The following CES3 variants were observed in gnomAD, a reference collection of about 807,000 sequenced individuals.
CES3 encodes carboxylesterase 3 (brain).
CES3 carries 49 observed loss-of-function variants against 57.6 expected under a neutral mutation model. The ratio of observed to expected loss-of-function variants is 0.85; its 90% CI spans 0.68 to 1.08. The LOEUF (loss-of-function observed/expected upper bound fraction) is 1.08, where lower values mean the gene tolerates loss of function less well. CES3 is among the 50% of genes least tolerant of loss of function. The probability of loss-of-function intolerance (pLI) is 0.00; values close to 1 mark genes in which losing one functional copy is unlikely to be tolerated. For synonymous variants in CES3, 266 were observed against 281.6 expected, an observed-to-expected ratio of 0.94 and a Z score of 0.55; for missense variants, 645 against 742.0, an observed-to-expected ratio of 0.87 and a Z score of 1.52.
intron 8 of CES3, chr16:66,967,664 G>A (rs1963755309): frequency 2.0e-6 from 2 of 983,594 alleles, no homozygotes; most frequent in South Asian, 4.7e-5. Flanking sequence ...CATCTTCACA[G>A]CAATCATTTT....
At position 66,966,853 on chromosome 16, in the gene CES3, G is replaced by A. The variant is rs143437351; in HGVS notation, c.1050G>A (p.Trp350Ter). 475 of 1,613,840 alleles carry A rather than the reference G, an allele frequency of 2.9e-4. No homozygotes were observed. Among genetic ancestry groups the A allele is most frequent in the Non-Finnish European group, 3.7e-4 (439 of 1,180,016 alleles). ...GTGTCAACAACCATGAGTTCAGCTGGCTCATCCCCAGGGTGAGTTGCTCCC... is the reference window on the plus strand; with the variant it reads ...GTGTCAACAACCATGAGTTCAGCTGACTCATCCCCAGGGTGAGTTGCTCCC... ...LMGVNNHEFSWLIPRGWGLLD... is the reference protein window; with the variant it reads ...LMGVNNHEFS Residue 350 changes from tryptophan to a stop codon, truncating the protein, a stop_gained, in exon 8 of 13, where the codon TGG (tryptophan) becomes TGA (stop). Coordinates refer to ENST00000303334, the MANE Select transcript of CES3 (RefSeq NM_024922.6). LOFTEE classifies it high-confidence loss of function.
At chr16:66,970,489 A>G (rs1053211646) in intron 9 of CES3, among the ~76,000 whole-genome samples, 1 of 152,222 alleles carries the variant, frequency 6.6e-6, no homozygotes, top group Admixed American at 6.5e-5. Context: ...ATGCTGGGGA[A>G]GGGGCAGAGG....
In CES3 at chr16:66,961,394, G is replaced by A. The variant is rs376594988; in HGVS notation, c.82+5G>A. 4 of 1,610,886 alleles carry A rather than the reference G, an allele frequency of 2.5e-6. No individual in the cohort carries two copies. The highest frequency in any genetic ancestry group is 3.4e-6 in the Non-Finnish European group (4 of 1,178,486). On this transcript the variant is annotated splice_donor_5th_base_variant and intron_variant, in intron 1 of 12. Coordinates refer to ENST00000303334, the MANE Select transcript of CES3 (RefSeq NM_024922.6). ...CATGCCCTGCCACAGCCACTGGTAA[G>A]ACACACCTGCTGGGCCTGCAGAGGT...
rs1026409228 is a variant in CES3 at position 66,972,755 on chromosome 16, G to C, written c.1520+9G>C. On this transcript the variant is annotated intron_variant, in intron 12 of 12. Coordinates refer to ENST00000303334, the MANE Select transcript of CES3 (RefSeq NM_024922.6). Reference sequence around the variant, plus strand: ...CACTTTGCCCGGACAGGGTGAGTGAGTGACAGGGCATAGCTCGCTTTGGGC... The same window carrying C: ...CACTTTGCCCGGACAGGGTGAGTGACTGACAGGGCATAGCTCGCTTTGGGC... 1 of 1,614,206 alleles carries C rather than the reference G, an allele frequency of 6.2e-7. No homozygotes were observed.
In CES3 at chr16:66,961,432, G is replaced by A. The variant is rs376022461; in HGVS notation, c.82+43G>A. ...GGCCTGCAGAGGTACTTGGTGTGGA[G>A]GAGTCAAGAGTGAGACAGGGACAGG... On this transcript the variant is annotated intron_variant, in intron 1 of 12. Transcript: ENST00000303334. The A allele has an allele frequency of 8.5e-4, 1,291 of 1,518,784 alleles. 20 individuals carry two copies. The South Asian group carries it at 0.014, about 17-fold the overall frequency. The allele number at this position is 1,518,784 out of a possible 1,614,324, so 94.1% of individuals were successfully genotyped here. A position where few individuals can be genotyped will look rare whatever the true frequency, so the allele number is the denominator to read the frequency against.
intron 6 of CES3, 146 bp downstream of exon 6, chr16:66,964,873 G>A: frequency 1.6e-6 from 1 of 616,176 alleles, no homozygotes; most frequent in Middle Eastern, 2.7e-4. Context: ...GAGCATCAGA[G>A]GAAACAACTG....
chr16:66,964,257 C>G, intron 4 of CES3, 100 bp from the exon 5 acceptor site: 1 of 1,486,432 alleles, frequency 6.7e-7, no homozygotes, highest in Non-Finnish European at 9.1e-7. Flanking sequence ...ACCTGGGGAG[C>G]AGAGAAGGGT....
chr16:66,965,987 A>G (rs1488062057), intron 6 of CES3, among the ~76,000 whole-genome samples: 1 of 152,186 alleles, frequency 6.6e-6, no homozygotes, highest in Non-Finnish European at 1.5e-5. Flanking sequence ...GAGGGCAATG[A>G]GGACTCAGTG....
rs1963685539 is a variant in CES3, at chr16:66,963,618, T to A, written c.415T>A (p.Ser139Thr). ...VYSPAEVPAG[S>T]GRPVMVWVHG... ...TAGCCCAGCTGAGGTCCCCGCAGGG[T>A]CCGGTAGGCCGGTAGGCACCCCAGA... The change falls in exon 3 of 13, where the codon TCC (serine) becomes ACC (threonine). Residue 139 changes from serine to threonine, a missense_variant. Physicochemically the swap from Ser to Thr is moderately conservative, Grantham distance 58 (BLOSUM62 1). Transcript: ENST00000303334. The surrounding 1 kb of genome is among the most constrained non-coding windows in gnomAD (Gnocchi z 4.9). 1 of 1,613,970 alleles carries A rather than the reference T, an allele frequency of 6.2e-7. No individual in the cohort carries two copies. Among genetic ancestry groups the A allele is most frequent in the Admixed American group, 1.7e-5 (1 of 59,996 alleles).
rs1170810245 is a variant in CES3 at position 66,964,423 on chromosome 16, G to A, written c.627G>A (p.Val209=). ...ATGTGGTAGCTGCTTTGCGCTGGGT[G>A]CAAGAAAACATCGCCCCCTTCGGGG... is the stretch of plus-strand genomic sequence containing the variant. ...FLDVVAALRW[V]QENIAPFGGD... The change falls in exon 5 of 13, where the codon GTG becomes GTA. Residue 209 remains valine, a synonymous_variant. Coordinates refer to ENST00000303334, the MANE Select transcript of CES3 (RefSeq NM_024922.6). The A allele has an allele frequency of 1.2e-6, 2 of 1,614,054 alleles. No individual in the cohort carries two copies. Among genetic ancestry groups the A allele is most frequent in the African/African-American group, 1.3e-5 (1 of 74,940 alleles).
At chr16:66,969,803 G>A in intron 9 of CES3, 44 bp downstream of exon 9, 2 of 1,537,952 alleles carry the variant, frequency 1.3e-6, no homozygotes, top group South Asian at 1.2e-5. Flanking sequence ...CAGGAGGGAG[G>A]AAGCTAGTGG....
At chr16:66,967,692 T>C (rs1963756244) in intron 8 of CES3, 2 of 985,146 alleles carry the variant, frequency 2.0e-6, no homozygotes, top group African/African-American at 1.7e-5. Context: ...TTTCTTTTTT[T>C]TTTTTTTTCG....
chr16:66,962,150 G>C (rs1233967445), intron 1 of CES3, among the ~76,000 whole-genome samples: 1 of 152,194 alleles, frequency 6.6e-6, no homozygotes, highest in African/African-American at 2.4e-5. Context: ...TCTGGGGAAA[G>C]GGGCTGTCCC....
In CES3 at chr16:66,964,451, G is replaced by C; in HGVS notation, c.655G>C (p.Asp219His). Residue 219 changes from aspartate to histidine, a missense_variant, in exon 5 of 13, where the codon GAC (aspartate) becomes CAC (histidine). Asp to His is a moderately conservative substitution (Grantham distance 81, BLOSUM62 -1). Transcript: ENST00000303334. ...VQENIAPFGGDLNCVTVFGGS... is the reference protein window; with the variant it reads ...VQENIAPFGGHLNCVTVFGGS... Reference sequence around the variant, plus strand: ...AGAAAACATCGCCCCCTTCGGGGGTGACCTCAACTGTGTCACTGTCTTTGG... The same window carrying C: ...AGAAAACATCGCCCCCTTCGGGGGTCACCTCAACTGTGTCACTGTCTTTGG... The C allele has an allele frequency of 6.2e-7, 1 of 1,614,148 alleles. No homozygotes were observed. The highest frequency in any genetic ancestry group is 8.5e-7 in the Non-Finnish European group (1 of 1,179,998).
rs1413808544 is a variant in CES3 at position 66,969,747 on chromosome 16, C to T, written c.1131C>T (p.Val377=). 5 of 1,612,256 alleles carry T rather than the reference C, an allele frequency of 3.1e-6. No homozygotes were observed. Among genetic ancestry groups the T allele is most frequent in the Non-Finnish European group, 2.5e-6 (3 of 1,179,282 alleles). Residue 377 remains valine, a synonymous_variant, in exon 9 of 13, where the codon GTC becomes GTT. Transcript: ENST00000303334. ...REDMLAISTP[V]LTSLDVPPEM... is the part of the protein sequence containing the mutation. ...ACATGCTGGCCATCTCAACACCCGT[C>T]TTGACCAGTCTGGTGAGACAAGAGG...
chr16:66,972,247 C>T lies in CES3; in HGVS notation c.1292-109C>T, dbSNP rs557885272. 5 of 1,126,832 alleles carry T rather than the reference C, an allele frequency of 4.4e-6. No homozygotes were observed. In the Admixed American group the frequency reaches 1.3e-4, roughly 30 times the overall value. The allele number at this position is 1,126,832 out of a possible 1,614,324, so 69.8% of individuals were successfully genotyped here. On this transcript the variant is annotated intron_variant, in intron 10 of 12. Transcript: ENST00000303334. ...TGTTTGCAGCTAGTCATTTTATCATCATCATCATCATCATCATGGAAATTG... is the reference window on the plus strand; with the variant it reads ...TGTTTGCAGCTAGTCATTTTATCATTATCATCATCATCATCATGGAAATTG...
At chr16:66,966,646 C>A in intron 7 of CES3, 79 bp from the exon 8 acceptor site, 1 of 1,561,098 alleles carries the variant, frequency 6.4e-7, no homozygotes, top group Non-Finnish European at 8.8e-7. Context: ...CTCAGGCCTG[C>A]AGCTCAGTGG....
rs534381729 is a variant in CES3, at chr16:66,973,283, G to C, written c.*234G>C. On this transcript the variant is annotated 3_prime_UTR_variant, in exon 13 of 13. Transcript: ENST00000303334. ...CTGAAGTGCCTTTCCTGCTTTCTTC[G>C]TGGTAGGTTCTAGCACATTCCTCTA... is the stretch of plus-strand genomic sequence containing the variant. 1 of 530,024 alleles carries C rather than the reference G, an allele frequency of 1.9e-6. No homozygotes were observed. The highest frequency in any genetic ancestry group is 3.4e-6 in the Non-Finnish European group (1 of 293,896). 32.8% of individuals were successfully genotyped at this position (530,024 alleles called of 1,614,324 possible). A position where few individuals can be genotyped will look rare whatever the true frequency, so the allele number is the denominator to read the frequency against.
chr16:66,973,453 A>C lies in CES3; in HGVS notation c.*404A>C. ...CTCCCCCTCAGAGGAGCTCTCTCAA[A>C]ATGGGGATTAGCCTAACCCCACTCT... On this transcript the variant is annotated 3_prime_UTR_variant, in exon 13 of 13. Transcript: ENST00000303334. The C allele has an allele frequency of 5.8e-6, 1 of 172,496 alleles. No individual in the cohort carries two copies. Among genetic ancestry groups the C allele is most frequent in the Non-Finnish European group, 1.3e-5 (1 of 79,896 alleles). 10.7% of individuals were successfully genotyped at this position (172,496 alleles called of 1,614,324 possible). A position where few individuals can be genotyped will look rare whatever the true frequency, so the allele number is the denominator to read the frequency against.
Sources: allele counts gnomAD v4.1 joint callset (sites outside exome capture counted in the v4.1 genomes callset), GRCh38; gene constraint gnomAD v4.1.1; non-coding constraint Gnocchi (gnomAD v3.1); transcripts MANE v1.5; gene names NCBI Gene and HGNC (gene_info 2026-07-23, HGNC 2026-07-21).